Variants in METTL24 observed in about 807,000 individuals in gnomAD.
The protein encoded by METTL24 is probable methyltransferase-like protein 24.
METTL24 carries 29 observed loss-of-function variants against 32.7 expected under a neutral mutation model. That is an observed-to-expected ratio of 0.89 (90% confidence interval 0.66 to 1.21). The LOEUF is 1.21. Among genes scored for constraint, METTL24 ranks in the 50% most tolerant of loss-of-function variants. METTL24 has a pLI of 0.00. For synonymous variants in METTL24, 163 were observed against 179.5 expected (o/e 0.91, Z 0.73); for missense variants, 439 against 468.1 (o/e 0.94, Z 0.57).
At chr6:110,351,449 T>C (rs191538801) in intron 1 of METTL24, among the ~76,000 whole-genome samples, 3 of 152,264 alleles carry the variant, frequency 2.0e-5, no homozygotes, top group African/African-American at 7.2e-5. Context: ...GGTATAGACA[T>C]ATGTATATTC....
intron 1 of METTL24, among the ~76,000 whole-genome samples, chr6:110,350,886 A>T (rs1772587322): frequency 6.6e-6 from 1 of 152,192 alleles, no homozygotes; most frequent in African/African-American, 2.4e-5. Context: ...AGGCAGGCAG[A>T]TCACTAGGTC....
intron 3 of METTL24, among the ~76,000 whole-genome samples, chr6:110,311,634 C>T (rs1011687586): frequency 7.9e-5 from 12 of 151,844 alleles, no homozygotes; most frequent in South Asian, 6.2e-4. Context: ...CCACCATGCC[C>T]GGCTAATTTT....
rs923327486 is a variant in METTL24, at chr6:110,304,442, T to C, written c.558-5292A>G. Reference sequence around the variant, plus strand: ...CTTGATAAAAGGTTAGAAGAATTGCTAACTAAAATAACTAGTTTAGAGAAG... The same window carrying C: ...CTTGATAAAAGGTTAGAAGAATTGCCAACTAAAATAACTAGTTTAGAGAAG... On this transcript the variant is annotated intron_variant, in intron 3 of 4. Transcript: ENST00000338882. 2.2e-4 allele frequency among the ~76,000 whole-genome samples: 34 copies of C among 152,212 alleles called. 1 individual carries two copies. The highest frequency in any genetic ancestry group is 8.2e-4 in the African/African-American group (34 of 41,456).
intron 4 of METTL24, among the ~76,000 whole-genome samples, chr6:110,278,353 T>C (rs1026182687): frequency 2.0e-5 from 3 of 152,196 alleles, no homozygotes; most frequent in African/African-American, 7.2e-5. Context: ...TGCACTTTCC[T>C]CTTTGGAACA....
At chr6:110,340,296 C>A (rs1048242665) in intron 1 of METTL24, among the ~76,000 whole-genome samples, 1 of 152,166 alleles carries the variant, frequency 6.6e-6, no homozygotes, top group Non-Finnish European at 1.5e-5. Context: ...GTAGGCCCAC[C>A]TCCTGAGGGT....
chr6:110,267,537 T>C (rs995151590), intron 4 of METTL24, among the ~76,000 whole-genome samples: 9 of 152,228 alleles, frequency 5.9e-5, no homozygotes, highest in African/African-American at 1.9e-4. Flanking sequence ...CTGGATATTG[T>C]TGAAAAGTTC....
chr6:110,328,056 G>A (rs1434971532), intron 1 of METTL24, among the ~76,000 whole-genome samples: 2 of 152,210 alleles, frequency 1.3e-5, no homozygotes, highest in African/African-American at 4.8e-5. Context: ...CTGTTTGTCT[G>A]TCCCCAGGAG....
intron 4 of METTL24, among the ~76,000 whole-genome samples, chr6:110,275,862 A>G (rs1771037707): frequency 6.6e-6 from 1 of 152,226 alleles, no homozygotes; most frequent in South Asian, 2.1e-4. Context: ...GCATGAGGAA[A>G]TCATACCATG....
At chr6:110,349,623 T>TAATTTAGTA (rs1203959611) in intron 1 of METTL24, among the ~76,000 whole-genome samples, 1 of 152,250 alleles carries the variant, frequency 6.6e-6, no homozygotes, top group African/African-American at 2.4e-5. Context: ...CAGATTGGTG[T>TAATTTAGTA]AATTTAGTAT....
intron 3 of METTL24, among the ~76,000 whole-genome samples, chr6:110,302,469 A>G (rs555211444): frequency 2.0e-5 from 2 of 98,418 alleles, no homozygotes; most frequent in East Asian, 2.6e-4. Context: ...ACATATGTGT[A>G]TATATACACA....
chr6:110,332,441 T>C (rs1772125236), intron 1 of METTL24: 1 of 909,318 alleles, frequency 1.1e-6, no homozygotes. Flanking sequence ...GCCATATACC[T>C]AGAGTGGATC....
At chr6:110,255,618 G>A (rs975046611) in intron 4 of METTL24, among the ~76,000 whole-genome samples, 2 of 152,072 alleles carry the variant, frequency 1.3e-5, no homozygotes, top group African/African-American at 2.4e-5. Flanking sequence ...TACTTCCCTG[G>A]GCAGCTGAAA....
intron 1 of METTL24, among the ~76,000 whole-genome samples, chr6:110,350,664 A>G (rs1772578020): frequency 6.6e-6 from 1 of 151,900 alleles, no homozygotes; most frequent in South Asian, 2.1e-4. Context: ...GGTGACTCAC[A>G]TCTGTAATCC....
chr6:110,281,752 T>C (rs1302404581), intron 4 of METTL24, among the ~76,000 whole-genome samples: 1 of 152,104 alleles, frequency 6.6e-6, no homozygotes, highest in South Asian at 2.1e-4. Context: ...AGTATATTCC[T>C]GAGCACTTAG....
intron 1 of METTL24, among the ~76,000 whole-genome samples, chr6:110,342,710 T>C (rs939631408): frequency 3.9e-5 from 6 of 152,214 alleles, no homozygotes; most frequent in African/African-American, 1.4e-4. Flanking sequence ...TTGCTTCCCA[T>C]TCCCCTCTAC....
Position 110,322,774 on chromosome 6 carries a change from C to CTGGG in METTL24, c.413_416dup (p.Gln139HisfsTer16). On this transcript the variant is annotated frameshift_variant and splice_region_variant, in exon 2 of 5. Coordinates refer to ENST00000338882, the MANE Select transcript of METTL24 (RefSeq NM_001123364.3). LOFTEE classifies it high-confidence loss of function. ...AACTTCTTTGAGCCTGAAACACAACCTGGGTGGTGCTGATATATCTCAGGA... is the reference window on the plus strand; with the variant it reads ...AACTTCTTTGAGCCTGAAACACAACCTGGGTGGGTGGTGCTGATATATCTCAGGA... The CTGGG allele has an allele frequency of 8.1e-6, 13 of 1,611,286 alleles. No homozygotes were observed. Among genetic ancestry groups the CTGGG allele is most frequent in the Non-Finnish European group, 1.1e-5 (13 of 1,178,256 alleles).
intron 2 of METTL24, 134 bp from the exon 3 acceptor site, chr6:110,315,615 TC>T: frequency 1.2e-6 from 1 of 866,152 alleles, no homozygotes; most frequent in Non-Finnish European, 1.8e-6. Context: ...ACAACTCCCC[TC>T]CCCAGGGAAC....
chr6:110,351,089 C>T (rs980044966), intron 1 of METTL24, among the ~76,000 whole-genome samples: 3 of 152,124 alleles, frequency 2.0e-5, no homozygotes, highest in African/African-American at 7.2e-5. Flanking sequence ...GCCCGGGTGA[C>T]AGTGCTGTAG....
intron 3 of METTL24, among the ~76,000 whole-genome samples, chr6:110,314,836 T>C (rs1268581544): frequency 6.6e-6 from 1 of 152,022 alleles, no homozygotes; most frequent in Admixed American, 6.6e-5. Flanking sequence ...GGTGGGTGCA[T>C]GCCTGTGGTC....
Sources: allele counts gnomAD v4.1 joint callset (sites outside exome capture counted in the v4.1 genomes callset), GRCh38; gene constraint gnomAD v4.1.1; transcripts MANE v1.5; gene names NCBI Gene and HGNC (gene_info 2026-07-23, HGNC 2026-07-21).